The following DPP10 variants were observed in gnomAD, a reference collection of about 807,000 sequenced individuals.
DPP10 encodes inactive dipeptidyl peptidase 10.
In DPP10, 33 loss-of-function variants were observed where a neutral mutation model predicts 120.9. The observed-to-expected ratio is 0.27, with a 90% confidence interval of 0.21 to 0.37. The LOEUF (loss-of-function observed/expected upper bound fraction) is 0.37, where lower values mean the gene tolerates loss of function less well. Among genes scored for constraint, DPP10 ranks in the 10% least tolerant of loss-of-function variants. The pLI, the probability that DPP10 is intolerant of heterozygous loss-of-function variation, is 1.00. For synonymous variants in DPP10, 337 were observed against 326.1 expected, an observed-to-expected ratio of 1.03 and a Z score of -0.36; for missense variants, 816 against 942.8, an observed-to-expected ratio of 0.87 and a Z score of 1.76.
intron 3 of DPP10, among the ~76,000 whole-genome samples, chr2:115,469,757 G>A (rs980185630): frequency 6.6e-6 from 1 of 152,014 alleles, no homozygotes; most frequent in East Asian, 1.9e-4. Flanking sequence ...AAGTAGCCAG[G>A]CGTGGTGGCA....
intron 1 of DPP10, among the ~76,000 whole-genome samples, chr2:114,830,127 A>C (rs546076772): frequency 1.3e-5 from 2 of 152,046 alleles, no homozygotes; most frequent in East Asian, 3.9e-4. Flanking sequence ...TAATTTTCAC[A>C]GTCCCATCAG....
At chr2:114,698,871 G>A (rs1276661125) in intron 1 of DPP10, among the ~76,000 whole-genome samples, 1 of 152,144 alleles carries the variant, frequency 6.6e-6, no homozygotes, top group Non-Finnish European at 1.5e-5. Flanking sequence ...TGTCTGTATA[G>A]TCAGGCACCT....
chr2:114,669,965 A>G (rs1288965884), intron 1 of DPP10, among the ~76,000 whole-genome samples: 1 of 152,100 alleles, frequency 6.6e-6, no homozygotes, highest in East Asian at 1.9e-4. Context: ...CAAAACCACA[A>G]TGAGATACCA....
intron 1 of DPP10, among the ~76,000 whole-genome samples, chr2:115,047,029 C>A (rs190525778): frequency 2.0e-5 from 3 of 152,068 alleles, no homozygotes; most frequent in Admixed American, 2.0e-4. Flanking sequence ...TCAGATACCA[C>A]AATTGAAGTA....
At chr2:115,717,874 A>C (rs2149598130) in intron 7 of DPP10, among the ~76,000 whole-genome samples, 1 of 152,258 alleles carries the variant, frequency 6.6e-6, no homozygotes, top group South Asian at 2.1e-4. Flanking sequence ...GGGTGGGGGC[A>C]TGACCTAAGG....
chr2:115,100,497 A>T (rs2048632257), intron 1 of DPP10, among the ~76,000 whole-genome samples: 1 of 152,022 alleles, frequency 6.6e-6, no homozygotes, highest in Admixed American at 6.6e-5. Context: ...ATATATATAA[A>T]GGAATATATA....
At chr2:115,828,208 G>C (rs1688573557) in intron 21 of DPP10, among the ~76,000 whole-genome samples, 2 of 150,972 alleles carry the variant, frequency 1.3e-5, no homozygotes, top group South Asian at 4.2e-4. Flanking sequence ...ACTACCTTCT[G>C]GTTTGCATTT....
Position 115,556,998 on chromosome 2 carries a change from T to A in DPP10, c.441+31026T>A, listed in dbSNP as rs1348857327. On this transcript the variant is annotated intron_variant, in intron 5 of 25. Transcript: ENST00000410059. Reference sequence around the variant, plus strand: ...AACTCAAGATTTGAACAATAATTTTTCTGACTACAAGAATCATTCCATTTC... The same window carrying A: ...AACTCAAGATTTGAACAATAATTTTACTGACTACAAGAATCATTCCATTTC... 2.6e-5 allele frequency among the ~76,000 whole-genome samples: 4 copies of A among 152,316 alleles called. No homozygotes were observed. In the East Asian group the frequency reaches 7.7e-4, roughly 29 times the overall value.
intron 3 of DPP10, among the ~76,000 whole-genome samples, chr2:115,351,609 G>C (rs982375439): frequency 6.6e-6 from 1 of 152,018 alleles, no homozygotes; most frequent in South Asian, 2.1e-4. Context: ...CTGATTCACA[G>C]ACCAGAGACT....
chr2:115,520,868 A>C (rs2077763652), intron 4 of DPP10, among the ~76,000 whole-genome samples: 1 of 152,216 alleles, frequency 6.6e-6, no homozygotes, highest in African/African-American at 2.4e-5. Flanking sequence ...TGTTTCTGAC[A>C]AAAGTGAATC....
At chr2:114,783,610 G>C (rs1451849859) in intron 1 of DPP10, among the ~76,000 whole-genome samples, 1 of 152,090 alleles carries the variant, frequency 6.6e-6, no homozygotes, top group African/African-American at 2.4e-5. Context: ...GCCAAGAAGG[G>C]CAGATCATTT....
At chr2:114,829,846 T>C (rs986129113) in intron 1 of DPP10, among the ~76,000 whole-genome samples, 2 of 152,208 alleles carry the variant, frequency 1.3e-5, no homozygotes, top group Admixed American at 1.3e-4. Context: ...AGCGTCACTA[T>C]GCGTTTCCTT....
At chr2:115,191,294 C>A (rs1456308217) in intron 1 of DPP10, among the ~76,000 whole-genome samples, 1 of 152,234 alleles carries the variant, frequency 6.6e-6, no homozygotes, top group Non-Finnish European at 1.5e-5. Context: ...AGAAGCTCTG[C>A]TCTAGGAGGA....
chr2:114,946,263 T>C (rs185384324), intron 1 of DPP10, among the ~76,000 whole-genome samples: 199 of 152,304 alleles, frequency 1.3e-3, no homozygotes, highest in African/African-American at 4.5e-3. Flanking sequence ...TAGGGGAAAG[T>C]GGGTGTGGAC....
intron 21 of DPP10, among the ~76,000 whole-genome samples, chr2:115,831,294 G>T (rs1291006732): frequency 6.6e-6 from 1 of 152,016 alleles, no homozygotes; most frequent in Non-Finnish European, 1.5e-5. Flanking sequence ...AGTCGCCCAG[G>T]CTGGAGTGCA....
chr2:114,808,153 A>G (rs1369616959), intron 1 of DPP10, among the ~76,000 whole-genome samples: 1 of 152,192 alleles, frequency 6.6e-6, no homozygotes. Flanking sequence ...AATTTTGATG[A>G]TTAGACCTGC....
intron 1 of DPP10, among the ~76,000 whole-genome samples, chr2:114,520,940 G>A (rs987871434): frequency 4.6e-5 from 7 of 152,142 alleles, no homozygotes; most frequent in African/African-American, 1.4e-4. Context: ...GAAACTGATA[G>A]CTTCTCCAGA....
chr2:114,553,070 G>A (rs916211510), intron 1 of DPP10, among the ~76,000 whole-genome samples: 2 of 152,160 alleles, frequency 1.3e-5, no homozygotes, highest in African/African-American at 4.8e-5. Context: ...TGCATGTGAT[G>A]TTGTTTAATT....
chr2:115,290,934 C>T (rs2060626747), intron 1 of DPP10, among the ~76,000 whole-genome samples: 1 of 152,136 alleles, frequency 6.6e-6, no homozygotes, highest in Non-Finnish European at 1.5e-5. Flanking sequence ...ATCTACTCAT[C>T]TTTCTACCTC....
Sources: allele counts gnomAD v4.1 joint callset (sites outside exome capture counted in the v4.1 genomes callset), GRCh38; gene constraint gnomAD v4.1.1; transcripts MANE v1.5; gene names NCBI Gene and HGNC (gene_info 2026-07-23, HGNC 2026-07-21).